Variants in RCAN2 observed in about 807,000 individuals in gnomAD.
RCAN2 encodes calcipressin-2.
RCAN2 carries 9 observed loss-of-function variants against 23.6 expected under a neutral mutation model. The observed-to-expected ratio is 0.38, with a 90% CI of 0.23 to 0.67. The LOEUF (loss-of-function observed/expected upper bound fraction) is 0.67, where lower values mean the gene tolerates loss of function less well. Among genes scored for constraint, RCAN2 ranks in the 30% least tolerant of loss-of-function variants. The pLI, the probability that RCAN2 is intolerant of heterozygous loss-of-function variation, is 0.51. For synonymous variants in RCAN2, 109 were observed against 115.7 expected, an observed-to-expected ratio of 0.94 and a Z score of 0.37; for missense variants, 273 against 302.3, an observed-to-expected ratio of 0.90 and a Z score of 0.72.
chr6:46,457,842 C>T (rs1290372598), intron 1 of RCAN2, among the ~76,000 whole-genome samples: 1 of 152,112 alleles, frequency 6.6e-6, no homozygotes, highest in Non-Finnish European at 1.5e-5. Flanking sequence ...TAGCTGTGTT[C>T]AACCCTTCTA....
At chr6:46,237,631 T>C (rs1359606964) in intron 4 of RCAN2, among the ~76,000 whole-genome samples, 1 of 152,208 alleles carries the variant, frequency 6.6e-6, no homozygotes, top group Non-Finnish European at 1.5e-5. Flanking sequence ...GTACAGGTTG[T>C]TGTGTATCGC....
At chr6:46,228,673 G>A (rs1002893847) in intron 4 of RCAN2, among the ~76,000 whole-genome samples, 25 of 151,930 alleles carry the variant, frequency 1.6e-4, no homozygotes, top group African/African-American at 3.9e-4. Flanking sequence ...GTGTGTCTCC[G>A]CACGTGAGAT....
chr6:46,262,529 G>A lies in RCAN2; in HGVS notation c.226-13633C>T, dbSNP rs567498560. On this transcript the variant is annotated intron_variant, in intron 2 of 4. Transcript: ENST00000371374. ...CTAGCACTTTGGGAGGCCAAGGTGG[G>A]AGGATTGCTTGAGTTCAGGAGTTTG... Among the ~76,000 whole-genome samples, 116 of 152,040 alleles carry A rather than the reference G, an allele frequency of 7.6e-4. 1 individual carries two copies. The highest frequency in any genetic ancestry group is 2.6e-3 in the African/African-American group (106 of 41,436).
intron 2 of RCAN2, among the ~76,000 whole-genome samples, chr6:46,397,093 A>C (rs968023324): frequency 6.6e-6 from 1 of 152,194 alleles, no homozygotes; most frequent in African/African-American, 2.4e-5. Context: ...CCTGGGAAAC[A>C]AGTGAGAAAC....
In RCAN2 at chr6:46,444,026, C is replaced by T. The variant is rs115790861; in HGVS notation, c.225+12726G>A. ...GAGTTTCATTTCAATATTGATTGAG[C>T]ACCTACTGTGTGTCAGGCCCTATGC... On this transcript the variant is annotated intron_variant, in intron 2 of 4. Coordinates refer to ENST00000371374, the MANE Select transcript of RCAN2 (RefSeq NM_001251974.2). 9.2e-3 allele frequency among the ~76,000 whole-genome samples: 1,399 copies of T among 152,288 alleles called. 20 individuals carry two copies. Among genetic ancestry groups the T allele is most frequent in the African/African-American group, 0.032 (1,330 of 41,570 alleles).
At chr6:46,372,694 T>G (rs945842730) in intron 2 of RCAN2, among the ~76,000 whole-genome samples, 7 of 152,230 alleles carry the variant, frequency 4.6e-5, no homozygotes, top group Non-Finnish European at 8.8e-5. Context: ...TATTCACATC[T>G]GAAAAATGAT....
chr6:46,258,470 G>C (rs1324839179), intron 2 of RCAN2, among the ~76,000 whole-genome samples: 1 of 152,208 alleles, frequency 6.6e-6, no homozygotes, highest in African/African-American at 2.4e-5. Context: ...AAGAGAAGCA[G>C]ACAGACATTG....
At chr6:46,228,361 T>C (rs1765751685) in intron 4 of RCAN2, among the ~76,000 whole-genome samples, 1 of 152,214 alleles carries the variant, frequency 6.6e-6, no homozygotes, top group Non-Finnish European at 1.5e-5. Context: ...ATCTGTCTAA[T>C]GTTGACAGTG....
At chr6:46,296,165 G>C (rs555618096) in intron 2 of RCAN2, among the ~76,000 whole-genome samples, 1 of 151,440 alleles carries the variant, frequency 6.6e-6, no homozygotes, top group Non-Finnish European at 1.5e-5. Flanking sequence ...AAGCTGGTCA[G>C]AGCATGTGAA....
chr6:46,429,750 A>G, intron 2 of RCAN2, among the ~76,000 whole-genome samples: 1 of 152,196 alleles, frequency 6.6e-6, no homozygotes, highest in Non-Finnish European at 1.5e-5. Context: ...AATCACATAA[A>G]GAAATGGATC....
intron 2 of RCAN2, among the ~76,000 whole-genome samples, chr6:46,342,535 G>C (rs1308370929): frequency 1.2e-5 from 1 of 84,358 alleles, no homozygotes; most frequent in Non-Finnish European, 3.1e-5. Flanking sequence ...CTGAGTGATA[G>C]GGTGAGACCC....
chr6:46,380,416 C>T (rs915840566), intron 2 of RCAN2, among the ~76,000 whole-genome samples: 1 of 152,140 alleles, frequency 6.6e-6, no homozygotes, highest in East Asian at 1.9e-4. Context: ...TGATTACCTG[C>T]CAAATGTTTA....
In RCAN2 at chr6:46,335,957, A is replaced by C. The variant is rs146548057; in HGVS notation, c.226-87061T>G. Among the ~76,000 whole-genome samples, 4 of 152,330 alleles carry C rather than the reference A, an allele frequency of 2.6e-5. No homozygotes were observed. The East Asian group carries it at 5.8e-4, about 22-fold the overall frequency. ...TCACCATAGGCCCCATTTAGAGATG[A>C]TGTAATTTGCCCAAGGACAACTAGC... On this transcript the variant is annotated intron_variant, in intron 2 of 4. Transcript: ENST00000371374.
At chr6:46,386,890 G>C (rs1404875768) in intron 2 of RCAN2, among the ~76,000 whole-genome samples, 1 of 152,112 alleles carries the variant, frequency 6.6e-6, no homozygotes, top group African/African-American at 2.4e-5. Context: ...CATGGTACTG[G>C]TACCAAAACA....
chr6:46,337,153 T>TA (rs11461289), intron 2 of RCAN2, among the ~76,000 whole-genome samples: 63,481 of 150,818 alleles, frequency 0.42, 14,744 homozygotes, highest in East Asian at 0.6. Flanking sequence ...ATCTCCATGT[T>TA]AAAAAAAAGC....
At chr6:46,445,508 C>A (rs906283229) in intron 2 of RCAN2, among the ~76,000 whole-genome samples, 5 of 152,144 alleles carry the variant, frequency 3.3e-5, no homozygotes, top group Admixed American at 6.5e-5. Context: ...TGCATAGAAA[C>A]TAATACACAG....
chr6:46,367,486 C>G (rs917799946), intron 2 of RCAN2, among the ~76,000 whole-genome samples: 8 of 152,170 alleles, frequency 5.3e-5, no homozygotes, highest in African/African-American at 1.9e-4. Flanking sequence ...CCCTGTGGAA[C>G]TTCAAAGGCT....
At chr6:46,411,072 C>T (rs1443709251) in intron 2 of RCAN2, among the ~76,000 whole-genome samples, 1 of 152,174 alleles carries the variant, frequency 6.6e-6, no homozygotes, top group African/African-American at 2.4e-5. Context: ...GAAGAACTTA[C>T]AGTTTCTGGG....
intron 2 of RCAN2, among the ~76,000 whole-genome samples, chr6:46,265,651 A>G (rs1048435843): frequency 1.2e-4 from 18 of 152,302 alleles, no homozygotes; most frequent in African/African-American, 4.1e-4. Flanking sequence ...GAGAGACGTG[A>G]CAGTCCTCTT....
Sources: gnomAD v4.1 joint callset for allele counts (sites outside exome capture counted in the v4.1 genomes callset) on GRCh38, gnomAD v4.1.1 for gene constraint, MANE v1.5 for transcripts, NCBI Gene and HGNC (gene_info 2026-07-23, HGNC 2026-07-21) for gene names.